The following FAM13B variants were observed in gnomAD, a reference collection of about 807,000 sequenced individuals.
FAM13B encodes the protein protein FAM13B.
FAM13B carries 60 observed loss-of-function variants against 117.3 expected under a neutral mutation model. That is an observed-to-expected ratio of 0.51 (90% CI 0.42 to 0.63). FAM13B has a LOEUF of 0.63. Among genes scored for constraint, FAM13B ranks in the 30% least tolerant of loss-of-function variants. The probability of loss-of-function intolerance (pLI) is 0.00; values close to 1 mark genes in which losing one functional copy is unlikely to be tolerated. For missense variants in FAM13B, 972 were observed against 1,091.9 expected (o/e 0.89, Z 1.55); for synonymous variants, 332 against 356.1 (o/e 0.93, Z 0.76).
At chr5:138,036,064 T>G (rs1791125571), upstream of FAM13B, 1 of 289,732 alleles carries the variant, frequency 3.5e-6, no homozygotes, top group Admixed American at 4.8e-5. Flanking sequence ...CTGAGATGAC[T>G]CTCACACTCG....
At position 137,986,065 on chromosome 5, in the gene FAM13B, T is replaced by C. The variant is rs909644815; in HGVS notation, c.1047-676A>G. Among the ~76,000 whole-genome samples, 4 of 151,346 alleles carry C rather than the reference T, an allele frequency of 2.6e-5. No homozygotes were observed. The South Asian group carries it at 6.2e-4, about 24-fold the overall frequency. On this transcript the variant is annotated intron_variant, in intron 9 of 23. Transcript: ENST00000689681. ...GCCCAAATACTCCCAATAGATCCAG[T>C]TGTATACATGCTTTTTTTTTTAATG...
chr5:138,012,346 T>G (rs1346517994), intron 4 of FAM13B, among the ~76,000 whole-genome samples: 1 of 151,662 alleles, frequency 6.6e-6, no homozygotes, highest in Non-Finnish European at 1.5e-5. Flanking sequence ...AAACCACTAG[T>G]GAGCAAAGCA....
At chr5:138,029,679 C>A (rs1789390145) in intron 1 of FAM13B, among the ~76,000 whole-genome samples, 1 of 152,208 alleles carries the variant, frequency 6.6e-6, no homozygotes, top group Non-Finnish European at 1.5e-5. Flanking sequence ...TCCCTGCTCA[C>A]CCCAATGCAA....
intron 10 of FAM13B, among the ~76,000 whole-genome samples, chr5:137,982,939 G>A (rs1169468956): frequency 6.6e-6 from 1 of 152,028 alleles, no homozygotes; most frequent in Non-Finnish European, 1.5e-5. Flanking sequence ...GGAAATGCTG[G>A]GTGCCTAGTT....
At chr5:137,960,963 C>A (rs1318845736) in intron 11 of FAM13B, among the ~76,000 whole-genome samples, 1 of 152,146 alleles carries the variant, frequency 6.6e-6, no homozygotes, top group African/African-American at 2.4e-5. Context: ...AATGACACAT[C>A]GAGATGTCAC....
At chr5:137,972,312 A>G (rs1200421315) in intron 10 of FAM13B, among the ~76,000 whole-genome samples, 50 of 148,100 alleles carry the variant, frequency 3.4e-4, no homozygotes, top group African/African-American at 1.1e-3. Context: ...TTCAATATAC[A>G]CAAATCAATA....
At position 137,944,778 on chromosome 5, in the gene FAM13B, AC is replaced by A. The variant is rs1332811761; in HGVS notation, c.2340+1123del. On this transcript the variant is annotated intron_variant, in intron 20 of 23. Transcript: ENST00000689681. ...ATCTCAAAAACAAAAAAAAAAAAAA[AC>A]AAAATCATGTCCTTTGGGATAACAC... Among the ~76,000 whole-genome samples, 356 of 147,408 alleles carry A rather than the reference AC, an allele frequency of 2.4e-3. 1 individual carries two copies. Among genetic ancestry groups the A allele is most frequent in the Middle Eastern group, 7.0e-3 (2 of 286 alleles).
chr5:137,956,761 GGGGGAA>G (rs1404024861), intron 13 of FAM13B, among the ~76,000 whole-genome samples: 1 of 150,620 alleles, frequency 6.6e-6, no homozygotes, highest in African/African-American at 2.4e-5. Flanking sequence ...CAAAAAAGGG[GGGGGAA>G]AACTCAAAGT....
rs1479510183 is a variant in FAM13B, at chr5:137,972,323, A to T, written c.1180-9854T>A. Among the ~76,000 whole-genome samples the T allele has an allele frequency of 3.3e-5, 5 of 152,000 alleles. No individual in the cohort carries two copies. The East Asian group carries it at 9.6e-4, about 29-fold the overall frequency. On this transcript the variant is annotated intron_variant, in intron 10 of 23. Coordinates refer to ENST00000689681, the MANE Select transcript of FAM13B (RefSeq NM_001385994.1). ...CTGGTTCAATATACACAAATCAATAAATGTAATCCAGCATATAAACAGAAC... is the reference window on the plus strand; with the variant it reads ...CTGGTTCAATATACACAAATCAATATATGTAATCCAGCATATAAACAGAAC...
chr5:137,980,506 G>C (rs1031390112), intron 10 of FAM13B, among the ~76,000 whole-genome samples: 5 of 143,650 alleles, frequency 3.5e-5, no homozygotes, highest in African/African-American at 1.3e-4. Context: ...GCAGTGGCAC[G>C]ATCTCAGCTC....
chr5:138,036,381 G>T (rs1791164480), upstream of FAM13B: 1 of 456,506 alleles, frequency 2.2e-6, no homozygotes, highest in African/African-American at 2.0e-5. Flanking sequence ...AACAAACTTG[G>T]GAGTACAGGC....
chr5:137,968,151 G>A (rs1292234338), intron 10 of FAM13B, among the ~76,000 whole-genome samples: 1 of 150,982 alleles, frequency 6.6e-6, no homozygotes, highest in Admixed American at 6.6e-5. Flanking sequence ...GAACCCGGGA[G>A]GCAGAGGTTG....
Position 137,981,077 on chromosome 5 carries a change from ATTTTTTTTT to A in FAM13B, c.1179+4171_1179+4179del, listed in dbSNP as rs56799832. 2.8e-4 allele frequency among the ~76,000 whole-genome samples: 17 copies of A among 60,456 alleles called. 1 individual carries two copies. Among genetic ancestry groups the A allele is most frequent in the South Asian group, 8.2e-4 (1 of 1,218 alleles). 39.7% of individuals were successfully genotyped at this position (60,456 alleles called of 152,430 possible). On this transcript the variant is annotated intron_variant, in intron 10 of 23. Transcript: ENST00000689681. ...CAGGGGAGCACCACTACACCTGGCT[ATTTTTTTTT>A]TTTTTTTTTTTTTTTTTTTTACCAT...
upstream of FAM13B, chr5:138,036,716 A>G (rs1430376203): frequency 2.7e-6 from 1 of 374,660 alleles, no homozygotes; most frequent in Non-Finnish European, 5.3e-6. Flanking sequence ...GGTCTATCTC[A>G]GAAATTACTT....
intron 20 of FAM13B, 49 bp from the exon 21 acceptor site, chr5:137,943,265 T>G: frequency 7.0e-7 from 1 of 1,438,060 alleles, no homozygotes; most frequent in Non-Finnish European, 9.7e-7. Flanking sequence ...GTATTCAAAG[T>G]GTCCAGTGAA....
intron 18 of FAM13B, 80 bp downstream of exon 18, chr5:137,948,875 A>G (rs1764146704): frequency 1.9e-6 from 2 of 1,073,600 alleles, no homozygotes; most frequent in Non-Finnish European, 2.8e-6. Flanking sequence ...CTACCTAGAC[A>G]TCTCTACCCT....
Position 137,958,230 on chromosome 5 carries a change from T to G in FAM13B, c.1441+1386A>C, listed in dbSNP as rs75014360. ...AGTATGCTAACATATCCCCCAACAC[T>G]GGGAAGCATCTTCATAAATTCCAGA... On this transcript the variant is annotated intron_variant, in intron 13 of 23. Coordinates refer to ENST00000689681, the MANE Select transcript of FAM13B (RefSeq NM_001385994.1). Among the ~76,000 whole-genome samples, 944 of 152,296 alleles carry G rather than the reference T, an allele frequency of 6.2e-3. 13 individuals are homozygous for G. Among genetic ancestry groups the G allele is most frequent in the African/African-American group, 0.022 (910 of 41,552 alleles).
intron 4 of FAM13B, among the ~76,000 whole-genome samples, chr5:138,016,261 C>A (rs1785236059): frequency 6.6e-6 from 1 of 152,240 alleles, no homozygotes; most frequent in Admixed American, 6.5e-5. Context: ...AAAGTTGTGT[C>A]TTTGAAGAGG....
At chr5:138,026,854 G>A (rs1359368599) in intron 1 of FAM13B, among the ~76,000 whole-genome samples, 1 of 150,786 alleles carries the variant, frequency 6.6e-6, no homozygotes, top group East Asian at 1.9e-4. Flanking sequence ...CAGGAGAATC[G>A]CTTGAACCCG....
Sources: gnomAD v4.1 joint callset for allele counts (sites outside exome capture counted in the v4.1 genomes callset) on GRCh38, gnomAD v4.1.1 for gene constraint, MANE v1.5 for transcripts, NCBI Gene and HGNC (gene_info 2026-07-23, HGNC 2026-07-21) for gene names.